DPP10: variants seen among roughly 807,000 people sequenced by gnomAD.
DPP10 encodes dipeptidyl peptidase like 10, also known as inactive dipeptidyl peptidase 10.
In DPP10, 33 loss-of-function variants were observed where a neutral mutation model predicts 120.9. That is an observed-to-expected ratio of 0.27 (90% CI 0.21 to 0.37). The LOEUF (loss-of-function observed/expected upper bound fraction) is 0.37. Ranked by LOEUF, DPP10 falls within the 10% of genes least tolerant of loss-of-function variation. The pLI, the probability that DPP10 is intolerant of heterozygous loss-of-function variation, is 1.00. For synonymous variants in DPP10, 337 were observed against 326.1 expected (o/e 1.03, Z -0.36); for missense variants, 816 against 942.8 (o/e 0.87, Z 1.76).
intron 1 of DPP10, among the ~76,000 whole-genome samples, chr2:114,694,630 T>C (rs771910354): frequency 2.6e-5 from 4 of 152,010 alleles, no homozygotes; most frequent in African/African-American, 7.2e-5. Flanking sequence ...TTTCACAAGA[T>C]GAATAAAACG....
chr2:115,258,590 C>A (rs566276019), intron 1 of DPP10, among the ~76,000 whole-genome samples: 4 of 152,066 alleles, frequency 2.6e-5, no homozygotes, highest in Non-Finnish European at 5.9e-5. Flanking sequence ...ATGCATTCAA[C>A]ATGTTAAATG....
intron 1 of DPP10, among the ~76,000 whole-genome samples, chr2:114,732,735 A>G (rs1030917986): frequency 2.0e-5 from 3 of 152,196 alleles, no homozygotes; most frequent in Admixed American, 2.0e-4. Context: ...GTTTTTCAAT[A>G]TAGATGGCTA....
chr2:114,908,136 AG>A (rs1694110537), intron 1 of DPP10, among the ~76,000 whole-genome samples: 1 of 152,048 alleles, frequency 6.6e-6, no homozygotes, highest in South Asian at 2.1e-4. Flanking sequence ...TAGCTCTCTC[AG>A]GGTTGCTATT....
At chr2:115,655,050 C>T (rs1022286914) in intron 5 of DPP10, among the ~76,000 whole-genome samples, 7 of 151,562 alleles carry the variant, frequency 4.6e-5, no homozygotes, top group Admixed American at 1.3e-4. Flanking sequence ...TAAGTGTATA[C>T]TTGGAAAAAA....
At chr2:114,807,080 A>G (rs150190796) in intron 1 of DPP10, among the ~76,000 whole-genome samples, 79 of 152,340 alleles carry the variant, frequency 5.2e-4, no homozygotes, top group African/African-American at 1.9e-3. Flanking sequence ...GTTACGTAAC[A>G]TAATGCACAT....
intron 5 of DPP10, among the ~76,000 whole-genome samples, chr2:115,604,628 ATTC>A (rs1203447788): frequency 6.6e-6 from 1 of 152,166 alleles, no homozygotes; most frequent in Non-Finnish European, 1.5e-5. Context: ...CCTAAATCCA[ATTC>A]TTTAGATCAT....
At chr2:115,166,385 T>C (rs1044683983) in intron 1 of DPP10, among the ~76,000 whole-genome samples, 7 of 150,576 alleles carry the variant, frequency 4.6e-5, no homozygotes, top group Non-Finnish European at 7.4e-5. Context: ...CTATATAATT[T>C]GGTTATAAAA....
chr2:115,500,283 A>C (rs1043082174), intron 4 of DPP10, among the ~76,000 whole-genome samples: 1 of 151,986 alleles, frequency 6.6e-6, no homozygotes, highest in Non-Finnish European at 1.5e-5. Flanking sequence ...ACACCAACGA[A>C]AAATAGTACA....
chr2:115,687,098 T>G (rs563040535), intron 5 of DPP10, among the ~76,000 whole-genome samples: 17 of 152,156 alleles, frequency 1.1e-4, no homozygotes, highest in African/African-American at 3.9e-4. Context: ...GAGAAAGAGA[T>G]GCAGATTAGC....
chr2:114,466,501 G>T (rs998016719), intron 1 of DPP10, among the ~76,000 whole-genome samples: 2 of 152,120 alleles, frequency 1.3e-5, no homozygotes, highest in Non-Finnish European at 2.9e-5. Context: ...CTGTTTCCGG[G>T]ATTTGAATCT....
intron 1 of DPP10, among the ~76,000 whole-genome samples, chr2:115,271,538 A>G (rs1424257583): frequency 6.6e-6 from 1 of 152,176 alleles, no homozygotes; most frequent in Non-Finnish European, 1.5e-5. Flanking sequence ...ACAAGCTTCA[A>G]ACTTACACAG....
chr2:114,719,733 G>T (rs1379360451), intron 1 of DPP10, among the ~76,000 whole-genome samples: 1 of 152,118 alleles, frequency 6.6e-6, no homozygotes. Flanking sequence ...AATGTGAATG[G>T]GAAGAAAAAT....
chr2:114,446,362 A>G (rs925634988), intron 1 of DPP10, among the ~76,000 whole-genome samples: 9 of 152,182 alleles, frequency 5.9e-5, no homozygotes, highest in African/African-American at 2.2e-4. Context: ...ATGAGTAGAG[A>G]AAATCCTTCA....
At chr2:115,633,596 G>A (rs576214162) in intron 5 of DPP10, among the ~76,000 whole-genome samples, 3 of 152,182 alleles carry the variant, frequency 2.0e-5, no homozygotes, top group Middle Eastern at 3.4e-3. Flanking sequence ...AGAAAAGAAT[G>A]TTGAATATTG....
intron 1 of DPP10, among the ~76,000 whole-genome samples, chr2:114,458,706 C>G (rs1403547001): frequency 6.6e-6 from 1 of 152,050 alleles, no homozygotes; most frequent in African/African-American, 2.4e-5. Context: ...ACAGTTATAG[C>G]AATTAAATGA....
At chr2:115,706,678 C>T (rs2092121821) in intron 7 of DPP10, among the ~76,000 whole-genome samples, 1 of 151,944 alleles carries the variant, frequency 6.6e-6, no homozygotes, top group Admixed American at 6.6e-5. Context: ...TGTCAAGTTT[C>T]ATTTGATCAG....
At chr2:114,914,373 T>C (rs1252571077) in intron 1 of DPP10, among the ~76,000 whole-genome samples, 1 of 152,158 alleles carries the variant, frequency 6.6e-6, no homozygotes, top group Non-Finnish European at 1.5e-5. Context: ...TAGCAGAAAC[T>C]TTAGAAACTA....
intron 5 of DPP10, among the ~76,000 whole-genome samples, chr2:115,587,564 T>C (rs185058028): frequency 2.2e-4 from 34 of 152,332 alleles, no homozygotes; most frequent in African/African-American, 7.9e-4. Flanking sequence ...GAAGATACAC[T>C]TCGTGCACCC....
chr2:115,497,336 G>C (rs993039243), intron 3 of DPP10, among the ~76,000 whole-genome samples: 2 of 152,056 alleles, frequency 1.3e-5, no homozygotes, highest in Non-Finnish European at 2.9e-5. Context: ...CCAATGGTTC[G>C]CTTGGCCAAT....
Sources: gnomAD v4.1 joint callset for allele counts (sites outside exome capture counted in the v4.1 genomes callset) on GRCh38, gnomAD v4.1.1 for gene constraint, MANE v1.5 for transcripts, NCBI Gene and HGNC (gene_info 2026-07-23, HGNC 2026-07-21) for gene names.